EYA2: variants seen among roughly 807,000 people sequenced by gnomAD.
EYA2 encodes protein phosphatase EYA2.
In EYA2, 31 loss-of-function variants were observed where a neutral mutation model predicts 69.2. The ratio of observed to expected loss-of-function variants is 0.45; its 90% CI spans 0.34 to 0.60. The LOEUF (loss-of-function observed/expected upper bound fraction) is 0.60. Ranked by LOEUF, EYA2 falls within the 20% of genes least tolerant of loss-of-function variation. EYA2 has a pLI of 0.02. For missense variants in EYA2, 622 were observed against 701.2 expected, an observed-to-expected ratio of 0.89 and a Z score of 1.28; for synonymous variants, 257 against 279.4, an observed-to-expected ratio of 0.92 and a Z score of 0.80.
intron 1 of EYA2, among the ~76,000 whole-genome samples, chr20:46,970,433 A>T (rs1231322958): frequency 6.6e-6 from 1 of 152,200 alleles, no homozygotes; most frequent in Non-Finnish European, 1.5e-5. Context: ...GAGGGCAGCT[A>T]CTGGTAACTG....
At chr20:47,073,688 T>C (rs1327093446) in intron 6 of EYA2, among the ~76,000 whole-genome samples, 1 of 152,070 alleles carries the variant, frequency 6.6e-6, no homozygotes, top group Non-Finnish European at 1.5e-5. Context: ...AGCATCTGCA[T>C]GCCTGGGCCC....
chr20:46,975,739 AC>A (rs777864611), intron 1 of EYA2, among the ~76,000 whole-genome samples: 7 of 151,892 alleles, frequency 4.6e-5, no homozygotes, highest in Admixed American at 6.6e-5. Flanking sequence ...ACATGGCAAA[AC>A]CCCATCTCTA....
At chr20:47,018,393 A>G (rs904008443) in intron 5 of EYA2, among the ~76,000 whole-genome samples, 1 of 152,304 alleles carries the variant, frequency 6.6e-6, no homozygotes, top group South Asian at 2.1e-4. Context: ...CACAAAGACA[A>G]TCTCCTCATG....
chr20:46,955,138 ATTT>A (rs34188905), intron 1 of EYA2, among the ~76,000 whole-genome samples: 2 of 139,500 alleles, frequency 1.4e-5, no homozygotes, highest in Non-Finnish European at 1.5e-5. Context: ...TCATGCAGTC[ATTT>A]TTTTTTTTTT....
At chr20:47,055,541 C>T (rs552628641) in intron 5 of EYA2, among the ~76,000 whole-genome samples, 4 of 152,272 alleles carry the variant, frequency 2.6e-5, no homozygotes, top group South Asian at 2.1e-4. Context: ...GGCCCAGCAC[C>T]GTGCAGTTCC....
intron 1 of EYA2, among the ~76,000 whole-genome samples, chr20:46,975,550 A>T (rs1980407015): frequency 6.6e-6 from 1 of 152,208 alleles, no homozygotes; most frequent in Non-Finnish European, 1.5e-5. Context: ...AAAAGTTTTT[A>T]AAAATACCAG....
chr20:46,976,127 G>A (rs1828714061), intron 1 of EYA2, among the ~76,000 whole-genome samples: 3 of 152,278 alleles, frequency 2.0e-5, no homozygotes, highest in Admixed American at 2.0e-4. Context: ...TCGGGAGGCC[G>A]AAGTAGGAGG....
At chr20:47,160,941 G>T in intron 10 of EYA2, 3 of 262,196 alleles carry the variant, frequency 1.1e-5, no homozygotes, top group South Asian at 6.1e-5. Context: ...CTGAATTCTA[G>T]GGAGACTTGG....
rs772311315 is a variant in EYA2 at position 47,016,282 on chromosome 20, A to G, written c.400A>G (p.Thr134Ala). 27 of 1,613,790 alleles carry G rather than the reference A, an allele frequency of 1.7e-5. No individual in the cohort carries two copies. Among genetic ancestry groups the G allele is most frequent in the Non-Finnish European group, 2.2e-5 (26 of 1,179,812 alleles). The change falls in exon 5 of 16, where the codon ACC becomes GCC. Residue 134 changes from threonine to alanine, a missense_variant. By Grantham distance (58) the Thr-to-Ala change is moderately conservative (BLOSUM62 0). Coordinates refer to ENST00000327619, the MANE Select transcript of EYA2 (RefSeq NM_005244.5). Reference protein sequence around the residue: ...STSPTGQSPYTYQMHGTTGFY... With the variant: ...STSPTGQSPYAYQMHGTTGFY... The stretch of plus-strand genomic sequence containing the variant: ...CTCACCCACTGGACAGAGCCCATAC[A>G]CCTACCAGATGCACGGTCAGTGTGG...
At chr20:47,002,162 A>C (rs1224342989) in intron 3 of EYA2, among the ~76,000 whole-genome samples, 126 of 109,956 alleles carry the variant, frequency 1.1e-3, no homozygotes, top group Admixed American at 1.4e-3. Context: ...TTTTCTCTCC[A>C]CCTCTCTCTC....
At chr20:47,187,782 G>T (rs905812529) in intron 15 of EYA2, among the ~76,000 whole-genome samples, 1 of 152,232 alleles carries the variant, frequency 6.6e-6, no homozygotes, top group African/African-American at 2.4e-5. Context: ...GACCACGCTG[G>T]TACCAACAGA....
intron 5 of EYA2, among the ~76,000 whole-genome samples, chr20:47,039,310 A>G (rs1984905830): frequency 6.6e-6 from 1 of 152,224 alleles, no homozygotes; most frequent in South Asian, 2.1e-4. Context: ...ATAATATTTC[A>G]TGGCACATGA....
chr20:47,088,712 G>T (rs1040886589), intron 7 of EYA2, among the ~76,000 whole-genome samples: 1 of 152,058 alleles, frequency 6.6e-6, no homozygotes, highest in East Asian at 1.9e-4. Context: ...TCTGCCTCCC[G>T]AGTAGCTGGG....
intron 1 of EYA2, among the ~76,000 whole-genome samples, chr20:46,897,241 C>T (rs1472456242): frequency 1.3e-5 from 2 of 152,132 alleles, no homozygotes; most frequent in Non-Finnish European, 2.9e-5. Flanking sequence ...AAAATGCTAG[C>T]TGCTGTTGGG....
At chr20:47,181,687 A>G (rs6018325) in intron 14 of EYA2, among the ~76,000 whole-genome samples, 84,531 of 152,002 alleles carry the variant, frequency 0.56, 25,420 homozygotes, top group African/African-American at 0.81. Context: ...TTAATTAGAA[A>G]CCTTTTCCAT....
chr20:46,963,246 T>C (rs1979580076), intron 1 of EYA2, among the ~76,000 whole-genome samples: 6 of 152,216 alleles, frequency 3.9e-5, no homozygotes, highest in Admixed American at 3.9e-4. Flanking sequence ...TGTCTGCTCC[T>C]AGGGAGCCCT....
At chr20:46,941,668 A>G (rs1007980342) in intron 1 of EYA2, among the ~76,000 whole-genome samples, 1 of 152,174 alleles carries the variant, frequency 6.6e-6, no homozygotes, top group African/African-American at 2.4e-5. Flanking sequence ...TCATGCCCTT[A>G]TCTTAAAGGC....
chr20:47,114,118 G>A (rs1173890055), intron 9 of EYA2, among the ~76,000 whole-genome samples: 6 of 152,192 alleles, frequency 3.9e-5, no homozygotes, highest in Non-Finnish European at 8.8e-5. Flanking sequence ...TAAGACACCT[G>A]TTGGTGTGAT....
intron 4 of EYA2, among the ~76,000 whole-genome samples, chr20:47,011,523 C>G (rs566409951): frequency 5.6e-4 from 85 of 152,272 alleles, no homozygotes; most frequent in African/African-American, 1.9e-3. Flanking sequence ...CAACCCTTAC[C>G]CCACTCCAGC....
Sources: allele counts gnomAD v4.1 joint callset (sites outside exome capture counted in the v4.1 genomes callset), GRCh38; gene constraint gnomAD v4.1.1; transcripts MANE v1.5; gene names NCBI Gene and HGNC (gene_info 2026-07-23, HGNC 2026-07-21).